Variants in CDH13 observed in about 807,000 individuals in gnomAD.
CDH13 encodes the protein cadherin 13.
Under a neutral mutation model 63.8 loss-of-function variants are expected in CDH13, and 24 were observed. The observed-to-expected ratio is 0.38, with a 90% CI of 0.27 to 0.53. The LOEUF is 0.53. Ranked by LOEUF, CDH13 falls within the 20% of genes least tolerant of loss-of-function variation. The pLI is 0.85. For synonymous variants in CDH13, 503 were observed against 355.3 expected, an observed-to-expected ratio of 1.42 and a Z score of -4.67; for missense variants, 1,049 against 903.1, an observed-to-expected ratio of 1.16 and a Z score of -2.07.
chr16:83,159,731 T>G (rs1473270469), intron 4 of CDH13, among the ~76,000 whole-genome samples: 2 of 152,188 alleles, frequency 1.3e-5, no homozygotes, highest in Non-Finnish European at 2.9e-5. Flanking sequence ...CATAGCCGCC[T>G]GTCAAGCATA....
intron 6 of CDH13, among the ~76,000 whole-genome samples, chr16:83,425,804 C>G (rs768069781): frequency 6.6e-6 from 1 of 151,728 alleles, no homozygotes; most frequent in Non-Finnish European, 1.5e-5. Context: ...CCTTTACTTC[C>G]TTTCTTTTTT....
intron 5 of CDH13, among the ~76,000 whole-genome samples, chr16:83,267,058 T>TC (rs552033084): frequency 1.9e-3 from 285 of 152,320 alleles, no homozygotes; most frequent in African/African-American, 6.4e-3. Flanking sequence ...TGCTTTTTTT[T>TC]CTCAGTGTTA....
In CDH13 at chr16:83,411,992, G is replaced by T. The variant is rs149651725; in HGVS notation, c.781+66986G>T. 3.4e-3 allele frequency among the ~76,000 whole-genome samples: 515 copies of T among 152,302 alleles called. 6 individuals are homozygous for T. The highest frequency in any genetic ancestry group is 0.012 in the African/African-American group (498 of 41,572). On this transcript the variant is annotated intron_variant, in intron 6 of 13. Transcript: ENST00000567109. ...CTCTGCAGGGTGCCATTGTGCTACT[G>T]ACAGTGTGCTAAGTTTAGGTTCTCT...
intron 2 of CDH13, among the ~76,000 whole-genome samples, chr16:83,027,254 A>G (rs1016668999): frequency 5.3e-5 from 8 of 152,202 alleles, no homozygotes; most frequent in African/African-American, 1.7e-4. Flanking sequence ...AGATGAATGA[A>G]AGAACAAGAC....
At chr16:83,570,403 A>G (rs1012434633) in intron 7 of CDH13, among the ~76,000 whole-genome samples, 3 of 152,064 alleles carry the variant, frequency 2.0e-5, no homozygotes, top group African/African-American at 7.2e-5. Flanking sequence ...GCCCCACAAG[A>G]TGATGTCTTC....
At chr16:83,121,807 G>A (rs941078431) in intron 3 of CDH13, among the ~76,000 whole-genome samples, 4 of 152,150 alleles carry the variant, frequency 2.6e-5, no homozygotes, top group Admixed American at 2.0e-4. Context: ...TAAAGCTCTC[G>A]ATAAATGAAT....
intron 7 of CDH13, among the ~76,000 whole-genome samples, chr16:83,490,162 A>G (rs2073981012): frequency 6.6e-6 from 1 of 152,112 alleles, no homozygotes; most frequent in Non-Finnish European, 1.5e-5. Context: ...AGCTAAGTTG[A>G]CACAATAACA....
At chr16:82,797,222 G>T (rs1394471081) in intron 1 of CDH13, among the ~76,000 whole-genome samples, 1 of 152,178 alleles carries the variant, frequency 6.6e-6, no homozygotes, top group Non-Finnish European at 1.5e-5. Context: ...AATACGGTTT[G>T]CTGTACACTG....
chr16:83,096,616 G>A (rs8058800), intron 3 of CDH13, among the ~76,000 whole-genome samples: 4,009 of 152,256 alleles, frequency 0.026, 192 homozygotes, highest in African/African-American at 0.091. Flanking sequence ...CTTAATATGA[G>A]AAGCTGCGCT....
intron 6 of CDH13, among the ~76,000 whole-genome samples, chr16:83,431,543 A>C (rs938146299): frequency 6.6e-6 from 1 of 152,114 alleles, no homozygotes; most frequent in African/African-American, 2.4e-5. Context: ...TTTTTTAAAA[A>C]GGCTTAATTG....
At chr16:83,323,655 C>G (rs951603238) in intron 5 of CDH13, among the ~76,000 whole-genome samples, 5 of 152,132 alleles carry the variant, frequency 3.3e-5, no homozygotes, top group Non-Finnish European at 2.9e-5. Flanking sequence ...AAACAAACAA[C>G]AAACTAGAAC....
At chr16:83,244,315 T>C (rs895211208) in intron 5 of CDH13, among the ~76,000 whole-genome samples, 1 of 152,148 alleles carries the variant, frequency 6.6e-6, no homozygotes, top group Admixed American at 6.5e-5. Context: ...AAACATCTAG[T>C]GATGGTTACT....
At chr16:82,753,617 T>G (rs1332017611) in intron 1 of CDH13, among the ~76,000 whole-genome samples, 2 of 152,222 alleles carry the variant, frequency 1.3e-5, no homozygotes, top group Non-Finnish European at 2.9e-5. Context: ...GGAAGTGTGC[T>G]GTAATGAGAG....
At chr16:82,966,364 G>A (rs1567701734) in intron 2 of CDH13, among the ~76,000 whole-genome samples, 1 of 151,948 alleles carries the variant, frequency 6.6e-6, no homozygotes, top group Non-Finnish European at 1.5e-5. Context: ...GGCTAGGATG[G>A]TCTCGATTTC....
chr16:83,727,874 C>T (rs1279731926), intron 10 of CDH13, among the ~76,000 whole-genome samples: 2 of 152,124 alleles, frequency 1.3e-5, no homozygotes, highest in Admixed American at 6.5e-5. Flanking sequence ...GGCAGCCATT[C>T]CCGCCCGCTG....
In CDH13 at chr16:83,346,046, G is replaced by A. The variant is rs77845604; in HGVS notation, c.781+1040G>A. Among the ~76,000 whole-genome samples the A allele has an allele frequency of 9.8e-3, 1,493 of 152,098 alleles. 23 individuals carry two copies. The highest frequency in any genetic ancestry group is 0.032 in the African/African-American group (1,310 of 41,464). On this transcript the variant is annotated intron_variant, in intron 6 of 13. Coordinates refer to ENST00000567109, the MANE Select transcript of CDH13 (RefSeq NM_001257.5). Reference sequence around the variant, plus strand: ...GTATGCAAGATGCCTAAAACCTCCCGTCAGCTTCAAGGAGCTGGGTCTTTA... The same window carrying A: ...GTATGCAAGATGCCTAAAACCTCCCATCAGCTTCAAGGAGCTGGGTCTTTA...
intron 1 of CDH13, among the ~76,000 whole-genome samples, chr16:82,744,400 C>G (rs1470886139): frequency 6.6e-6 from 1 of 151,356 alleles, no homozygotes; most frequent in Non-Finnish European, 1.5e-5. Flanking sequence ...CTGTGGGTAG[C>G]AGTAGCTTGA....
chr16:83,164,029 T>C (rs749480889), intron 4 of CDH13, among the ~76,000 whole-genome samples: 1 of 151,836 alleles, frequency 6.6e-6, no homozygotes, highest in South Asian at 2.1e-4. Flanking sequence ...ACCAACACTA[T>C]AAAAAAGACA....
At chr16:82,645,862 G>C (rs543792192) in intron 1 of CDH13, among the ~76,000 whole-genome samples, 58 of 152,350 alleles carry the variant, frequency 3.8e-4, no homozygotes, top group African/African-American at 1.3e-3. Context: ...CATTTAAGAA[G>C]CTAAGGTATT....
Sources: allele counts gnomAD v4.1 joint callset (sites outside exome capture counted in the v4.1 genomes callset), GRCh38; gene constraint gnomAD v4.1.1; transcripts MANE v1.5; gene names NCBI Gene and HGNC (gene_info 2026-07-23, HGNC 2026-07-21).